PLEKHG7: variants seen among roughly 807,000 people sequenced by gnomAD.
PLEKHG7 encodes pleckstrin homology domain-containing family G member 7.
PLEKHG7 carries 77 observed loss-of-function variants against 85.2 expected under a neutral mutation model. That is an observed-to-expected ratio of 0.90 (90% CI 0.75 to 1.09). The LOEUF (loss-of-function observed/expected upper bound fraction) is 1.09. Among genes scored for constraint, PLEKHG7 ranks in the 50% least tolerant of loss-of-function variants. The pLI, the probability that PLEKHG7 is intolerant of heterozygous loss-of-function variation, is 0.00. For synonymous variants in PLEKHG7, 301 were observed against 302.4 expected (o/e 1.00, Z 0.05); for missense variants, 777 against 804.3 (o/e 0.97, Z 0.41).
At position 92,730,769 on chromosome 12, in the gene PLEKHG7, T is replaced by C. The variant is rs145661737; in HGVS notation, c.659-1464T>C. On this transcript the variant is annotated intron_variant, in intron 4 of 16. Transcript: ENST00000344636. ...CAGGTGATTTTGATGCCGGCTACAG[T>C]TTGAGAACCACATGCTAAGGAACAA... is the stretch of plus-strand genomic sequence containing the variant. Among the ~76,000 whole-genome samples, 1,397 of 152,316 alleles carry C rather than the reference T, an allele frequency of 9.2e-3. 12 individuals carry two copies. The highest frequency in any genetic ancestry group is 0.013 in the Non-Finnish European group (884 of 68,016).
At chr12:92,716,484 C>T (rs1017955881) in intron 3 of PLEKHG7, among the ~76,000 whole-genome samples, 3 of 152,204 alleles carry the variant, frequency 2.0e-5, no homozygotes, top group Non-Finnish European at 2.9e-5. Flanking sequence ...CCCTTGCTCT[C>T]ACGTTTTTCT....
chr12:92,711,277 AC>A (rs1479528520), intron 3 of PLEKHG7, among the ~76,000 whole-genome samples: 1 of 151,986 alleles, frequency 6.6e-6, no homozygotes, highest in Non-Finnish European at 1.5e-5. Context: ...TGTGAATCAG[AC>A]CCTAGTCTTC....
chr12:92,707,864 G>A (rs2136568693), intron 3 of PLEKHG7, 192 bp downstream of exon 3: 1 of 861,134 alleles, frequency 1.2e-6, no homozygotes, highest in Non-Finnish European at 1.8e-6. Flanking sequence ...TAAGAGCACA[G>A]CATTTGGGGG....
At chr12:92,742,217 ATG>A (rs1872378612) in intron 9 of PLEKHG7, among the ~76,000 whole-genome samples, 1 of 152,224 alleles carries the variant, frequency 6.6e-6, no homozygotes, top group African/African-American at 2.4e-5. Flanking sequence ...CCCAAGTGCT[ATG>A]TATGGAGCCA....
chr12:92,768,473 C>G (rs192674501), intron 15 of PLEKHG7, among the ~76,000 whole-genome samples: 29 of 152,224 alleles, frequency 1.9e-4, no homozygotes, highest in African/African-American at 7.0e-4. Context: ...TGGTTTTTGG[C>G]TTTTCTTGGC....
At chr12:92,708,654 G>A (rs1276774727) in intron 3 of PLEKHG7, 1 of 152,134 alleles carries the variant, frequency 6.6e-6, no homozygotes, top group African/African-American at 2.4e-5. Flanking sequence ...TCCTGCTCAT[G>A]GGATCAAAGG....
At chr12:92,769,125 A>G (rs764257636) in intron 16 of PLEKHG7, 45 bp downstream of exon 16, 2 of 1,375,056 alleles carry the variant, frequency 1.5e-6, no homozygotes, top group South Asian at 1.2e-5. Flanking sequence ...CAGAGTTTAC[A>G]TAAGCTCCCC....
At position 92,745,440 on chromosome 12, in the gene PLEKHG7, C is replaced by T. The variant is rs766297653; in HGVS notation, c.1138-38C>T. 1.0e-5 allele frequency: 14 copies of T among 1,383,416 alleles called. No individual in the cohort carries two copies. In the Admixed American group the frequency reaches 1.5e-4, roughly 15 times the overall value. 85.7% of individuals were successfully genotyped at this position (1,383,416 alleles called of 1,614,324 possible). A position where few individuals can be genotyped will look rare whatever the true frequency, so the allele number is the denominator to read the frequency against. ...TTTCAGGGCTCAATGCTCTCCTTAACTTGTGTTCATCCTCCTTCTGCTCTT... is the reference window on the plus strand; with the variant it reads ...TTTCAGGGCTCAATGCTCTCCTTAATTTGTGTTCATCCTCCTTCTGCTCTT... On this transcript the variant is annotated intron_variant, in intron 9 of 16. Transcript: ENST00000344636.
chr12:92,737,582 T>G, intron 7 of PLEKHG7, 61 bp downstream of exon 7: 1 of 1,464,556 alleles, frequency 6.8e-7, no homozygotes, highest in Non-Finnish European at 9.4e-7. Context: ...TTTGGGCACT[T>G]GTTTTCCTCT....
rs529073697 is a variant in PLEKHG7, at chr12:92,729,060, C to A, written c.598C>A (p.Leu200Ile). Residue 200 changes from leucine to isoleucine, a missense_variant, in exon 4 of 17, where the codon CTT (leucine) becomes ATT (isoleucine). Transcript: ENST00000344636. ...LPGLEVFPGD[L>I]LVSDGAADYL... ...TGGACTTGAGGTGTTCCCCGGGGAC[C>A]TTCTGGTGTCAGATGGAGCTGCTGA... 3.1e-4 allele frequency: 385 copies of A among 1,231,846 alleles called. 5 individuals carry two copies. The South Asian group carries it at 0.013, about 42-fold the overall frequency. The allele number at this position is 1,231,846 out of a possible 1,614,324, so 76.3% of individuals were successfully genotyped here. A position where few individuals can be genotyped will look rare whatever the true frequency, so the allele number is the denominator to read the frequency against.
chr12:92,724,366 G>A (rs1448331629), intron 3 of PLEKHG7, among the ~76,000 whole-genome samples: 1 of 152,064 alleles, frequency 6.6e-6, no homozygotes, highest in African/African-American at 2.4e-5. Context: ...AAACAAAAAA[G>A]GAAAGTTGTA....
rs1287194409 is a variant in PLEKHG7, at chr12:92,769,031, G to A, written c.1919G>A (p.Arg640Gln). Reference protein sequence around the residue: ...AFLIQHENRYRQCIAAFLLQA... With the variant: ...AFLIQHENRYQQCIAAFLLQA... ...CTTATACAACACGAAAACAGATATCGACAGTGTATAGCAGCATTCTTATTA... is the reference window on the plus strand; with the variant it reads ...CTTATACAACACGAAAACAGATATCAACAGTGTATAGCAGCATTCTTATTA... Residue 640 changes from arginine to glutamine, a missense_variant, in exon 16 of 17, where the codon CGA (arginine) becomes CAA (glutamine). Physicochemically the swap from Arg to Gln is conservative, Grantham distance 43. Transcript: ENST00000344636. The A allele has an allele frequency of 5.0e-6, 8 of 1,604,134 alleles. No homozygotes were observed. The highest frequency in any genetic ancestry group is 3.4e-5 in the Admixed American group (2 of 59,542).
Position 92,706,897 on chromosome 12 carries a change from CA to C in PLEKHG7, c.267del (p.Gly90GlufsTer13). On this transcript the variant is annotated frameshift_variant, in exon 2 of 17. Coordinates refer to ENST00000344636, the MANE Select transcript of PLEKHG7 (RefSeq NM_001377329.1). LOFTEE classifies it high-confidence loss of function. ...CCATGTTACCTTTCGAAGAGCCTGC[CA>C]GGAAGCCCAAAGGATTCTTCACACT... ...GFPCYLSKSL[P>X]GSPKDSSHLL... The C allele has an allele frequency of 6.2e-7, 1 of 1,614,060 alleles. No homozygotes were observed. The highest frequency in any genetic ancestry group is 8.5e-7 in the Non-Finnish European group (1 of 1,180,014).
At chr12:92,759,102 C>T (rs1290050542) in intron 13 of PLEKHG7, among the ~76,000 whole-genome samples, 1 of 152,082 alleles carries the variant, frequency 6.6e-6, no homozygotes, top group African/African-American at 2.4e-5. Context: ...AAATTTCTCC[C>T]AGCCTTAAAA....
intron 10 of PLEKHG7, among the ~76,000 whole-genome samples, chr12:92,747,230 T>C (rs1342568446): frequency 6.9e-6 from 1 of 145,348 alleles, no homozygotes; most frequent in Admixed American, 7.0e-5. Context: ...TTTCCCAAAA[T>C]GAAACATACA....
intron 5 of PLEKHG7, among the ~76,000 whole-genome samples, chr12:92,735,548 G>A (rs1274090974): frequency 6.6e-6 from 1 of 152,198 alleles, no homozygotes; most frequent in East Asian, 1.9e-4. Flanking sequence ...TTGAAAAATT[G>A]TGATAAACAT....
intron 16 of PLEKHG7, 112 bp from the exon 17 acceptor site, chr12:92,769,976 T>G: frequency 1.5e-6 from 1 of 666,248 alleles, no homozygotes; most frequent in East Asian, 2.9e-5. Flanking sequence ...TAGTCTTCAG[T>G]TTTAAAGAGC....
intron 16 of PLEKHG7, 101 bp downstream of exon 16, chr12:92,769,181 C>A: frequency 1.1e-6 from 1 of 892,750 alleles, no homozygotes; most frequent in Non-Finnish European, 1.7e-6. Flanking sequence ...GTGTTTTTCT[C>A]TCACCCACTT....
intron 15 of PLEKHG7, among the ~76,000 whole-genome samples, chr12:92,768,645 T>C (rs1366367157): frequency 3.3e-5 from 5 of 152,178 alleles, no homozygotes; most frequent in Admixed American, 6.5e-5. Flanking sequence ...TTATTATCTA[T>C]ATTTTCATAC....
Sources: gnomAD v4.1 joint callset for allele counts (sites outside exome capture counted in the v4.1 genomes callset) on GRCh38, gnomAD v4.1.1 for gene constraint, MANE v1.5 for transcripts, NCBI Gene and HGNC (gene_info 2026-07-23, HGNC 2026-07-21) for gene names.